SH3KBP1: variants seen among roughly 807,000 people sequenced by gnomAD.
The protein encoded by SH3KBP1 is SH3 domain-containing kinase-binding protein 1.
SH3KBP1 carries 8 observed loss-of-function variants against 50.1 expected under a neutral mutation model. That is an observed-to-expected ratio of 0.16 (90% CI 0.09 to 0.29). SH3KBP1 has a LOEUF of 0.29. Ranked by LOEUF, SH3KBP1 falls within the 10% of genes least tolerant of loss-of-function variation. The pLI is 1.00. For missense variants in SH3KBP1, 377 were observed against 535.2 expected (o/e 0.70, Z 2.92); for synonymous variants, 227 against 218.6 (o/e 1.04, Z -0.34).
intron 12 of SH3KBP1, among the ~76,000 whole-genome samples, chrX:19,583,176 G>A (rs1382944299): frequency 4.3e-5 from 4 of 92,339 alleles, no homozygotes; most frequent in East Asian, 3.7e-4. Context: ...TTTTTGAGAC[G>A]CAGTTTCACT....
intron 5 of SH3KBP1, among the ~76,000 whole-genome samples, chrX:19,686,745 T>C (rs989231866): frequency 3.6e-5 from 4 of 111,256 alleles, no homozygotes; most frequent in African/African-American, 1.3e-4. Flanking sequence ...CTGGTGTTCA[T>C]GTTTCAACGT....
rs397973698 is a variant in SH3KBP1 at position 19,670,839 on chromosome X, C to CAAAAAAAAAAAAAAAAAAAAAA, written c.726+12983_726+12984insTTTTTTTTTTTTTTTTTTTTTT. ...ACTGGATTTATTACAACTCTAAAAG[C>CAAAAAAAAAAAAAAAAAAAAAA]AAAAAAAAAAAAAAAGAAATACCTC... On this transcript the variant is annotated intron_variant, in intron 6 of 17. Transcript: ENST00000397821. 114 of 991,842 alleles carry CAAAAAAAAAAAAAAAAAAAAAA rather than the reference C, an allele frequency of 1.1e-4. 3 individuals are homozygous for CAAAAAAAAAAAAAAAAAAAAAA. The African/African-American group carries it at 1.5e-3, about 13-fold the overall frequency. The allele number at this position is 991,842 out of a possible 1,213,427, so 81.7% of individuals were successfully genotyped here.
chrX:19,798,060 C>T (rs1014359639), intron 2 of SH3KBP1, among the ~76,000 whole-genome samples: 1 of 110,811 alleles, frequency 9.0e-6, no homozygotes, highest in Non-Finnish European at 1.9e-5. Context: ...GATGACTGCT[C>T]GGCAGTTTTC....
chrX:19,583,970 A>C, intron 12 of SH3KBP1, among the ~76,000 whole-genome samples: 1 of 95,880 alleles, frequency 1.0e-5, no homozygotes, highest in South Asian at 4.3e-4. Context: ...AATATATATT[A>C]ATGATATATT....
chrX:19,620,368 T>A (rs1296649635), intron 8 of SH3KBP1, among the ~76,000 whole-genome samples: 1 of 112,164 alleles, frequency 8.9e-6, no homozygotes, highest in Non-Finnish European at 1.9e-5. Flanking sequence ...TATTAGTAAA[T>A]TCCTATCTTC....
At chrX:19,633,725 T>C (rs1347761241) in intron 7 of SH3KBP1, among the ~76,000 whole-genome samples, 2 of 111,854 alleles carry the variant, frequency 1.8e-5, no homozygotes, top group Admixed American at 9.5e-5. Flanking sequence ...ACAGGTCATG[T>C]TTCTGTTCCC....
intron 13 of SH3KBP1, among the ~76,000 whole-genome samples, chrX:19,557,868 C>A (rs1305339574): frequency 8.9e-6 from 1 of 111,753 alleles, no homozygotes; most frequent in Non-Finnish European, 1.9e-5. Context: ...ATTACAAATT[C>A]TCTTAGTTAC....
At chrX:19,613,101 C>T (rs2067480583) in intron 8 of SH3KBP1, among the ~76,000 whole-genome samples, 1 of 112,257 alleles carries the variant, frequency 8.9e-6, no homozygotes, top group Non-Finnish European at 1.9e-5. Context: ...GCTTGTGAGG[C>T]CCGACTGCCA....
At chrX:19,583,900 T>C (rs2066462256) in intron 12 of SH3KBP1, among the ~76,000 whole-genome samples, 1 of 99,737 alleles carries the variant, frequency 1.0e-5, no homozygotes, top group South Asian at 4.1e-4. Flanking sequence ...TATATGTTTA[T>C]ATATTTCTAA....
chrX:19,617,611 C>G (rs1194611051), intron 8 of SH3KBP1, among the ~76,000 whole-genome samples: 1 of 112,544 alleles, frequency 8.9e-6, no homozygotes, highest in Non-Finnish European at 1.9e-5. Context: ...TAAAGTAGAG[C>G]CATTGTTGAA....
At chrX:19,675,727 TGG>T (rs2062914560) in intron 6 of SH3KBP1, among the ~76,000 whole-genome samples, 1 of 112,245 alleles carries the variant, frequency 8.9e-6, no homozygotes, top group African/African-American at 3.2e-5. Flanking sequence ...GAAAACCTTC[TGG>T]GAATATGATT....
intron 2 of SH3KBP1, among the ~76,000 whole-genome samples, chrX:19,809,525 AAAAG>A (rs1244175337): frequency 8.9e-6 from 1 of 111,783 alleles, no homozygotes; most frequent in East Asian, 2.8e-4. Context: ...TTGTCTCAAA[AAAAG>A]AAAGAAAGAA....
At chrX:19,585,765 T>C (rs1748855714) in intron 12 of SH3KBP1, among the ~76,000 whole-genome samples, 1 of 111,791 alleles carries the variant, frequency 8.9e-6, no homozygotes, top group Admixed American at 9.4e-5. Context: ...ACCTACTGAG[T>C]CAGCAACTGT....
At chrX:19,865,981 C>A (rs1173074245) in intron 1 of SH3KBP1, among the ~76,000 whole-genome samples, 2 of 111,978 alleles carry the variant, frequency 1.8e-5, no homozygotes, top group Non-Finnish European at 3.8e-5. Flanking sequence ...CAATTACTCC[C>A]TAGGGAGGAA....
intron 8 of SH3KBP1, 71 bp downstream of exon 8, chrX:19,631,793 A>C: frequency 1.6e-6 from 1 of 608,006 alleles, no homozygotes; most frequent in South Asian, 3.8e-5. Flanking sequence ...GCTGAAGCAA[A>C]AGCTTATACT....
intron 6 of SH3KBP1, among the ~76,000 whole-genome samples, chrX:19,648,708 C>T (rs2062049470): frequency 9.0e-6 from 1 of 110,769 alleles, no homozygotes; most frequent in African/African-American, 3.3e-5. Context: ...GGACATTTAG[C>T]AACCCTTGCC....
intron 8 of SH3KBP1, among the ~76,000 whole-genome samples, chrX:19,625,818 C>T (rs1431183910): frequency 8.9e-6 from 1 of 111,776 alleles, no homozygotes; most frequent in African/African-American, 3.3e-5. Flanking sequence ...ACAGGAAACA[C>T]GAACTCCACC....
chrX:19,773,769 T>C (rs888916483), intron 2 of SH3KBP1, among the ~76,000 whole-genome samples: 10 of 94,787 alleles, frequency 1.1e-4, no homozygotes, highest in Non-Finnish European at 4.0e-5. Flanking sequence ...GGCAGGAGAA[T>C]GGCGTGAACC....
chrX:19,657,372 C>A (rs2062309528), intron 6 of SH3KBP1, among the ~76,000 whole-genome samples: 1 of 92,285 alleles, frequency 1.1e-5, no homozygotes, highest in Non-Finnish European at 2.1e-5. Flanking sequence ...AGAGCAAGAT[C>A]CTGCCTCGAA....
Sources: allele counts gnomAD v4.1 joint callset (sites outside exome capture counted in the v4.1 genomes callset), GRCh38; gene constraint gnomAD v4.1.1; transcripts MANE v1.5; gene names NCBI Gene and HGNC (gene_info 2026-07-23, HGNC 2026-07-21).